STAT3: variants seen among roughly 807,000 people sequenced by gnomAD.
The protein encoded by STAT3 is DNA-binding protein APRF.
STAT3 carries 7 observed loss-of-function variants against 114.3 expected under a neutral mutation model. The ratio of observed to expected loss-of-function variants is 0.06; its 90% CI spans 0.03 to 0.11. The LOEUF (loss-of-function observed/expected upper bound fraction) is 0.11. Ranked by LOEUF, STAT3 falls within the 10% of genes least tolerant of loss-of-function variation. The pLI, the probability that STAT3 is intolerant of heterozygous loss-of-function variation, is 1.00. For missense variants in STAT3, 364 were observed against 960.9 expected (o/e 0.38, Z 8.21); for synonymous variants, 331 against 354.5 (o/e 0.93, Z 0.74).
At chr17:42,327,763 C>A (rs1346189848) in intron 14 of STAT3, among the ~76,000 whole-genome samples, 1 of 152,144 alleles carries the variant, frequency 6.6e-6, no homozygotes, top group Non-Finnish European at 1.5e-5. Flanking sequence ...AAATTGAATT[C>A]TAGTCTGGGC....
rs1170760788 is a variant in STAT3 at position 42,314,787 on chromosome 17, A to G, written c.*958T>C. The G allele has an allele frequency of 1.9e-5, 4 of 209,096 alleles. No homozygotes were observed. Among genetic ancestry groups the G allele is most frequent in the Non-Finnish European group, 3.9e-5 (4 of 102,808 alleles). 13.0% of individuals were successfully genotyped at this position (209,096 alleles called of 1,614,324 possible). ...ACCTGAAGCCCGTTTCAGGGATTAT[A>G]TAAATTACCAGCCTGAAGGAAGCTG... On this transcript the variant is annotated 3_prime_UTR_variant, in exon 24 of 24. Transcript: ENST00000264657.
chr17:42,384,798 C>A (rs371806195), intron 1 of STAT3, among the ~76,000 whole-genome samples: 2 of 152,014 alleles, frequency 1.3e-5, no homozygotes, highest in Non-Finnish European at 2.9e-5. Context: ...TCAAGCAATC[C>A]TCCTGCCTCA....
In STAT3 at chr17:42,333,515, G is replaced by C. The variant is rs1186600569; in HGVS notation, c.1049+158C>G. Among the ~76,000 whole-genome samples the C allele has an allele frequency of 6.6e-6, 1 of 152,070 alleles. No individual in the cohort carries two copies. The highest frequency in any genetic ancestry group is 6.6e-5 in the Admixed American group (1 of 15,238). On this transcript the variant is annotated intron_variant, in intron 10 of 23. Coordinates refer to ENST00000264657, the MANE Select transcript of STAT3 (RefSeq NM_139276.3). This position sits in a 1 kb window ranked among gnomAD's most constrained non-coding sequence, Gnocchi z 5.2. ...TTTTGCTTTTGACATCAGAATCAGA[G>C]AGCAAGCAGATAGTATGGCAACAAA... is the stretch of plus-strand genomic sequence containing the variant.
intron 4 of STAT3, among the ~76,000 whole-genome samples, chr17:42,344,288 GGC>G (rs1009458785): frequency 6.6e-5 from 10 of 151,838 alleles, no homozygotes; most frequent in African/African-American, 2.4e-4. Flanking sequence ...TGGGTGTGGT[GGC>G]GCGCGCCTGT....
chr17:42,323,677 G>C, intron 17 of STAT3, 52 bp from the exon 18 acceptor site: 2 of 1,567,742 alleles, frequency 1.3e-6, no homozygotes, highest in African/African-American at 1.4e-5. Context: ...GGGGTCAAGA[G>C]GTTATTTCTT....
In STAT3 at chr17:42,316,861, G is replaced by A. The variant is rs1293678815; in HGVS notation, c.2185C>T (p.Arg729Cys). Residue 729 changes from arginine to cysteine, a missense_variant, in exon 23 of 24, where the codon CGC becomes TGC. Arg to Cys is a radical substitution (Grantham distance 180, BLOSUM62 -3). Coordinates refer to ENST00000264657, the MANE Select transcript of STAT3 (RefSeq NM_139276.3). ...SNTIDLPMSP[R>C]TLDSLMQFGN... ...AACTGCATCAATGAATCTAAAGTGC[G>A]GGGGGACATCGGCAGGTCAATGGTA... 1 of 1,613,478 alleles carries A rather than the reference G, an allele frequency of 6.2e-7. No homozygotes were observed. Among genetic ancestry groups the A allele is most frequent in the Non-Finnish European group, 8.5e-7 (1 of 1,179,904 alleles).
intron 3 of STAT3, 49 bp from the exon 4 acceptor site, chr17:42,345,706 A>G: frequency 6.7e-7 from 1 of 1,492,708 alleles, no homozygotes; most frequent in Non-Finnish European, 9.2e-7. Context: ...GACCATGGAG[A>G]TGTGGACTGA....
rs1141126 is a variant in STAT3, at chr17:42,324,718, T to C, written c.1593A>G (p.Lys531=). The change falls in exon 17 of 24, where the codon AAA becomes AAG. Residue 531 remains lysine (K), a synonymous_variant. Coordinates refer to ENST00000264657, the MANE Select transcript of STAT3 (RefSeq NM_139276.3). This position sits in a 1 kb window ranked among gnomAD's most constrained non-coding sequence, Gnocchi z 4.5. ...SIEQLTTLAE[K]LLGPGVNYSG... ...AAGGGGTGAAATGCGGACCCAAGAG[T>C]TTCTCTGCCAGTGTAGTCAGCTGCT... is the stretch of plus-strand genomic sequence containing the variant. 1.9e-6 allele frequency: 3 copies of C among 1,613,140 alleles called. No homozygotes were observed. The African/African-American group carries it at 4.0e-5, about 22-fold the overall frequency.
intron 20 of STAT3, 131 bp downstream of exon 20, chr17:42,322,873 T>C (rs1442847082): frequency 1.5e-6 from 2 of 1,313,964 alleles, no homozygotes; most frequent in African/African-American, 2.9e-5. Context: ...CAAATGTGTT[T>C]TGCGAGTCTG....
At chr17:42,384,507 A>G (rs1235961619) in intron 1 of STAT3, among the ~76,000 whole-genome samples, 1 of 151,950 alleles carries the variant, frequency 6.6e-6, no homozygotes, top group Non-Finnish European at 1.5e-5. Context: ...GTCTTTTGTA[A>G]GTAATCACTT....
At chr17:42,366,469 G>A (rs2083796418) in intron 1 of STAT3, among the ~76,000 whole-genome samples, 1 of 152,112 alleles carries the variant, frequency 6.6e-6, no homozygotes, top group Non-Finnish European at 1.5e-5. Flanking sequence ...TCAGGAGTTT[G>A]AGACCAGCCT....
chr17:42,345,759 T>G, intron 3 of STAT3, 102 bp from the exon 4 acceptor site: 1 of 1,155,418 alleles, frequency 8.7e-7, no homozygotes, highest in Non-Finnish European at 1.3e-6. Context: ...AGGAAAGCAT[T>G]TATTCTAGGA....
intron 1 of STAT3, among the ~76,000 whole-genome samples, chr17:42,370,032 C>T (rs543077985): frequency 2.7e-4 from 41 of 152,034 alleles, no homozygotes; most frequent in Non-Finnish European, 4.1e-4. Flanking sequence ...AGTGCGGTGG[C>T]GAGATCTCGG....
At chr17:42,317,107 C>A in intron 22 of STAT3, 75 bp downstream of exon 22, 1 of 1,606,200 alleles carries the variant, frequency 6.2e-7, no homozygotes. Context: ...GATTAACTCT[C>A]ACCCAGTGTC....
At chr17:42,321,011 C>A (rs1428848551) in intron 21 of STAT3, among the ~76,000 whole-genome samples, 1 of 151,242 alleles carries the variant, frequency 6.6e-6, no homozygotes, top group Non-Finnish European at 1.5e-5. Flanking sequence ...GTCTTGAGTT[C>A]CTGGCCTCAA....
At chr17:42,377,910 T>C (rs2084554240) in intron 1 of STAT3, among the ~76,000 whole-genome samples, 1 of 152,066 alleles carries the variant, frequency 6.6e-6, no homozygotes, top group Non-Finnish European at 1.5e-5. Context: ...ATTGGAAAAC[T>C]TAGGGTAAAC....
At chr17:42,349,922 G>A (rs889295886) in intron 1 of STAT3, among the ~76,000 whole-genome samples, 6 of 152,144 alleles carry the variant, frequency 3.9e-5, no homozygotes, top group Non-Finnish European at 8.8e-5. Context: ...CAGGCGTGGT[G>A]GCACATGCCT....
chr17:42,365,598 A>G (rs908396313), intron 1 of STAT3, among the ~76,000 whole-genome samples: 1 of 152,160 alleles, frequency 6.6e-6, no homozygotes, highest in Non-Finnish European at 1.5e-5. Context: ...TTCCATAAGA[A>G]AAAAATTCAT....
At chr17:42,354,950 T>C (rs1216309724) in intron 1 of STAT3, among the ~76,000 whole-genome samples, 1 of 152,166 alleles carries the variant, frequency 6.6e-6, no homozygotes, top group East Asian at 1.9e-4. Flanking sequence ...GACCAGGTAG[T>C]ATTTTCAAGG....
Sources: allele counts gnomAD v4.1 joint callset (sites outside exome capture counted in the v4.1 genomes callset), GRCh38; gene constraint gnomAD v4.1.1; non-coding constraint Gnocchi (gnomAD v3.1); transcripts MANE v1.5; gene names NCBI Gene and HGNC (gene_info 2026-07-23, HGNC 2026-07-21).